The following SLC25A13 variants were observed in gnomAD, a reference collection of about 807,000 sequenced individuals.
SLC25A13 encodes the protein solute carrier family 25 member 13.
In SLC25A13, 70 loss-of-function variants were observed where a neutral mutation model predicts 85.5. The observed-to-expected ratio is 0.82, with a 90% CI of 0.68 to 1.00. The LOEUF is 1.00. Among genes scored for constraint, SLC25A13 ranks in the 50% least tolerant of loss-of-function variants. The pLI, the probability that SLC25A13 is intolerant of heterozygous loss-of-function variation, is 0.00. For synonymous variants in SLC25A13, 259 were observed against 288.7 expected, an observed-to-expected ratio of 0.90 and a Z score of 1.04; for missense variants, 765 against 819.8, an observed-to-expected ratio of 0.93 and a Z score of 0.82.
At chr7:96,273,945 T>G (rs1159019782) in intron 3 of SLC25A13, among the ~76,000 whole-genome samples, 1 of 152,184 alleles carries the variant, frequency 6.6e-6, no homozygotes, top group East Asian at 1.9e-4. Flanking sequence ...AATGAACTAG[T>G]GTGAAATATA....
intron 4 of SLC25A13, among the ~76,000 whole-genome samples, chr7:96,209,353 T>TACACACACACACACACACAC (rs59571646): frequency 5.5e-5 from 8 of 145,444 alleles, no homozygotes; most frequent in South Asian, 2.2e-4. Context: ...GGAAAACACA[T>TACACACACACACACACACAC]ACACACACAC....
intron 2 of SLC25A13, among the ~76,000 whole-genome samples, chr7:96,281,632 T>C (rs1042163899): frequency 2.0e-5 from 3 of 152,164 alleles, no homozygotes; most frequent in Non-Finnish European, 2.9e-5. Context: ...GGGATGCTCG[T>C]TACATGGGCC....
chr7:96,150,925 A>T (rs1342938420), intron 13 of SLC25A13, among the ~76,000 whole-genome samples: 4 of 152,058 alleles, frequency 2.6e-5, no homozygotes, highest in Non-Finnish European at 4.4e-5. Context: ...TTCAGTAACT[A>T]TATGCCTCAT....
intron 3 of SLC25A13, among the ~76,000 whole-genome samples, chr7:96,254,570 C>A (rs887210875): frequency 6.6e-6 from 1 of 151,804 alleles, no homozygotes; most frequent in Non-Finnish European, 1.5e-5. Flanking sequence ...ACATATATAC[C>A]CACATATGTG....
chr7:96,237,909 G>A (rs1796803800), intron 3 of SLC25A13, among the ~76,000 whole-genome samples: 1 of 152,162 alleles, frequency 6.6e-6, no homozygotes, highest in South Asian at 2.1e-4. Flanking sequence ...GTAACCAACT[G>A]TGACTGTGTT....
chr7:96,166,714 T>C lies in SLC25A13; in HGVS notation c.1311+3331A>G, dbSNP rs549394225. Reference sequence around the variant, plus strand: ...TCTTAAAGTAACAGCAAAAAAGCAATAAAAACAATATATTCAGAGGTAATA... The same window carrying C: ...TCTTAAAGTAACAGCAAAAAAGCAACAAAAACAATATATTCAGAGGTAATA... On this transcript the variant is annotated intron_variant, in intron 13 of 17. Transcript: ENST00000265631. Among the ~76,000 whole-genome samples the C allele has an allele frequency of 2.6e-5, 4 of 152,248 alleles. No individual in the cohort carries two copies. The South Asian group carries it at 8.3e-4, about 32-fold the overall frequency.
chr7:96,239,641 A>ATAATAGTAGTT (rs1350158101), intron 3 of SLC25A13, among the ~76,000 whole-genome samples: 1 of 152,188 alleles, frequency 6.6e-6, no homozygotes, highest in Non-Finnish European at 1.5e-5. Flanking sequence ...ATCTGCAGGA[A>ATAATAGTAGTT]CTAATAGTAG....
intron 13 of SLC25A13, among the ~76,000 whole-genome samples, chr7:96,157,803 AAAAC>A (rs10580228): frequency 0.47 from 70,612 of 150,968 alleles, 17,376 homozygotes; most frequent in African/African-American, 0.64. Context: ...TCTATCTTGG[AAAAC>A]AAACAAACAA....
At chr7:96,159,234 T>G (rs1409160054) in intron 13 of SLC25A13, among the ~76,000 whole-genome samples, 1 of 152,138 alleles carries the variant, frequency 6.6e-6, no homozygotes, top group Middle Eastern at 3.2e-3. Flanking sequence ...CCTCACAAAC[T>G]GAAAGAAAGA....
chr7:96,127,575 G>A (rs564360742), intron 15 of SLC25A13, among the ~76,000 whole-genome samples: 145 of 152,276 alleles, frequency 9.5e-4, no homozygotes, highest in Non-Finnish European at 1.6e-3. Flanking sequence ...AAAACAGTGA[G>A]ATAACATTAC....
At chr7:96,218,600 T>A (rs114897694) in intron 4 of SLC25A13, among the ~76,000 whole-genome samples, 1 of 152,202 alleles carries the variant, frequency 6.6e-6, no homozygotes. Flanking sequence ...TCTAAAAGAT[T>A]CACTTTTTGA....
At chr7:96,157,521 G>T (rs1584386853) in intron 13 of SLC25A13, among the ~76,000 whole-genome samples, 1 of 152,106 alleles carries the variant, frequency 6.6e-6, no homozygotes, top group African/African-American at 2.4e-5. Context: ...AGATTTTTAA[G>T]GGCTGGGTGC....
At chr7:96,317,270 C>T (rs1800165925) in intron 1 of SLC25A13, among the ~76,000 whole-genome samples, 1 of 152,054 alleles carries the variant, frequency 6.6e-6, no homozygotes, top group Non-Finnish European at 1.5e-5. Flanking sequence ...CCCAGCCATA[C>T]TTATCAGATC....
chr7:96,274,606 T>C (rs1439193170), intron 3 of SLC25A13, among the ~76,000 whole-genome samples: 2 of 152,210 alleles, frequency 1.3e-5, no homozygotes, highest in Non-Finnish European at 2.9e-5. Flanking sequence ...TGAATGGTAT[T>C]GCCTAGGTTT....
At chr7:96,150,543 G>A (rs1313328725) in intron 13 of SLC25A13, among the ~76,000 whole-genome samples, 4 of 152,076 alleles carry the variant, frequency 2.6e-5, no homozygotes, top group Non-Finnish European at 5.9e-5. Context: ...ATTTCAGAAT[G>A]TGACTATAGT....
chr7:96,212,975 T>C (rs916818369), intron 4 of SLC25A13, among the ~76,000 whole-genome samples: 1 of 152,226 alleles, frequency 6.6e-6, no homozygotes, highest in Non-Finnish European at 1.5e-5. Context: ...CCAAATGATA[T>C]GCAAAAGATT....
At chr7:96,191,380 T>C in intron 6 of SLC25A13, 133 bp from the exon 7 acceptor site, 2 of 990,768 alleles carry the variant, frequency 2.0e-6, no homozygotes, top group Non-Finnish European at 2.9e-6. Context: ...TATAAGTATT[T>C]TTCTTTTGCA....
intron 14 of SLC25A13, among the ~76,000 whole-genome samples, chr7:96,146,073 ATC>A (rs1180284142): frequency 6.6e-6 from 1 of 152,204 alleles, no homozygotes; most frequent in African/African-American, 2.4e-5. Context: ...TTCAAGAATC[ATC>A]TAGAAGTTTG....
chr7:96,273,691 T>C (rs1798331941), intron 3 of SLC25A13, among the ~76,000 whole-genome samples: 2 of 152,212 alleles, frequency 1.3e-5, no homozygotes, highest in Non-Finnish European at 1.5e-5. Flanking sequence ...AGGGTATAGA[T>C]TGTGTGCTCA....
Sources: gnomAD v4.1 joint callset for allele counts (sites outside exome capture counted in the v4.1 genomes callset) on GRCh38, gnomAD v4.1.1 for gene constraint, MANE v1.5 for transcripts, NCBI Gene and HGNC (gene_info 2026-07-23, HGNC 2026-07-21) for gene names.